Variants in ARHGEF12 observed in about 807,000 individuals in gnomAD.
The protein encoded by ARHGEF12 is Rho guanine nucleotide exchange factor 12.
ARHGEF12 carries 66 observed loss-of-function variants against 211.2 expected under a neutral mutation model. The observed-to-expected ratio is 0.31, with a 90% CI of 0.26 to 0.38. The LOEUF (loss-of-function observed/expected upper bound fraction) is 0.38, where lower values mean the gene tolerates loss of function less well. Among genes scored for constraint, ARHGEF12 ranks in the 10% least tolerant of loss-of-function variants. The pLI, the probability that ARHGEF12 is intolerant of heterozygous loss-of-function variation, is 1.00. For missense variants in ARHGEF12, 1,429 were observed against 1,869.5 expected, an observed-to-expected ratio of 0.76 and a Z score of 4.34; for synonymous variants, 592 against 638.4, an observed-to-expected ratio of 0.93 and a Z score of 1.09.
intron 4 of ARHGEF12, among the ~76,000 whole-genome samples, chr11:120,419,181 C>T (rs1015091077): frequency 2.0e-5 from 3 of 151,866 alleles, no homozygotes; most frequent in Non-Finnish European, 4.4e-5. Context: ...AGGATGGTCT[C>T]GATCTCCTGA....
At chr11:120,384,878 ATTT>A (rs36027339) in intron 1 of ARHGEF12, among the ~76,000 whole-genome samples, 3 of 137,700 alleles carry the variant, frequency 2.2e-5, no homozygotes, top group Non-Finnish European at 3.2e-5. Context: ...ACAAAAGGAG[ATTT>A]TTTTTTTTTT....
At chr11:120,456,883 C>A (rs188760752) in intron 22 of ARHGEF12, among the ~76,000 whole-genome samples, 1 of 151,880 alleles carries the variant, frequency 6.6e-6, no homozygotes, top group Non-Finnish European at 1.5e-5. Context: ...CTGTAGGCCC[C>A]GCTACTTGGA....
Position 120,485,897 on chromosome 11 carries a change from A to T in ARHGEF12, c.*820A>T, listed in dbSNP as rs573939916. The T allele has an allele frequency of 7.3e-5, 17 of 232,346 alleles. No homozygotes were observed. The highest frequency in any genetic ancestry group is 3.0e-4 in the East Asian group (5 of 16,420). The allele number at this position is 232,346 out of a possible 1,614,324, so 14.4% of individuals were successfully genotyped here. A position where few individuals can be genotyped will look rare whatever the true frequency, so the allele number is the denominator to read the frequency against. On this transcript the variant is annotated 3_prime_UTR_variant, in exon 41 of 41. Coordinates refer to ENST00000397843, the MANE Select transcript of ARHGEF12 (RefSeq NM_015313.3). ...GTCGTCTTTTCTATTGAGGGTTGGG[A>T]TTTGGGTGGGAGAGGAAAGCAAATT...
At chr11:120,441,668 A>G (rs761623138) in intron 13 of ARHGEF12, 39 bp from the exon 14 acceptor site, 16 of 1,501,840 alleles carry the variant, frequency 1.1e-5, no homozygotes, top group South Asian at 6.8e-5. Context: ...TAGTATTTGT[A>G]TGTTGGAGTT....
chr11:120,448,510 A>G (rs1374602025), intron 20 of ARHGEF12, 162 bp downstream of exon 20: 2 of 608,312 alleles, frequency 3.3e-6, no homozygotes, highest in African/African-American at 3.7e-5. Context: ...CTCAAAATAC[A>G]GTGAGAAATC....
At chr11:120,369,361 T>G (rs1020795618) in intron 1 of ARHGEF12, among the ~76,000 whole-genome samples, 24 of 152,180 alleles carry the variant, frequency 1.6e-4, no homozygotes, top group Non-Finnish European at 3.1e-4. Flanking sequence ...ACTCCTGACC[T>G]CAAGTAATCT....
At chr11:120,477,693 T>TG (rs1403922383) in intron 36 of ARHGEF12, 167 bp downstream of exon 36, 3 of 553,648 alleles carry the variant, frequency 5.4e-6, no homozygotes, top group Admixed American at 3.5e-5. Flanking sequence ...GACAAAACCC[T>TG]GTCTCTACTA....
intron 30 of ARHGEF12, among the ~76,000 whole-genome samples, chr11:120,470,149 A>C (rs1244024303): frequency 1.3e-5 from 2 of 152,226 alleles, no homozygotes; most frequent in African/African-American, 4.8e-5. Flanking sequence ...TTGTCTTCTT[A>C]AGTGCAGTAG....
rs1254877264 is a variant in ARHGEF12, at chr11:120,336,903, C to G, written c.-341C>G. The G allele has an allele frequency of 4.7e-6, 2 of 428,622 alleles. No homozygotes were observed. Among genetic ancestry groups the G allele is most frequent in the Non-Finnish European group, 8.2e-6 (2 of 244,306 alleles). The allele number at this position is 428,622 out of a possible 1,614,324, so 26.6% of individuals were successfully genotyped here. A position where few individuals can be genotyped will look rare whatever the true frequency, so the allele number is the denominator to read the frequency against. On this transcript the variant is annotated 5_prime_UTR_variant, in exon 1 of 41. Transcript: ENST00000397843. ...GTCCGTGAGCTGATCCCGCCCCAGCCCCGGCGGGAGTCCCGGGTCCCCTTC... is the reference window on the plus strand; with the variant it reads ...GTCCGTGAGCTGATCCCGCCCCAGCGCCGGCGGGAGTCCCGGGTCCCCTTC...
chr11:120,389,888 AT>A (rs1241319529), intron 1 of ARHGEF12, among the ~76,000 whole-genome samples: 1 of 152,068 alleles, frequency 6.6e-6, no homozygotes, highest in Admixed American at 6.6e-5. Flanking sequence ...ATAGTACTCC[AT>A]TGTGTATATG....
At chr11:120,457,852 T>C in intron 24 of ARHGEF12, 96 bp downstream of exon 24, 1 of 1,335,568 alleles carries the variant, frequency 7.5e-7, no homozygotes, top group Non-Finnish European at 1.0e-6. Flanking sequence ...AGAAACCCTG[T>C]ATACCAATCT....
chr11:120,366,461 A>G (rs533979313), intron 1 of ARHGEF12, among the ~76,000 whole-genome samples: 27 of 152,268 alleles, frequency 1.8e-4, no homozygotes, highest in Non-Finnish European at 3.4e-4. Context: ...CCTGCCCTTA[A>G]GTTATTTTTT....
At chr11:120,454,257 T>C (rs1217864922) in intron 22 of ARHGEF12, among the ~76,000 whole-genome samples, 1 of 152,164 alleles carries the variant, frequency 6.6e-6, no homozygotes, top group Non-Finnish European at 1.5e-5. Context: ...AGACGTAAGA[T>C]AATATATAAT....
chr11:120,446,977 C>T lies in ARHGEF12; in HGVS notation c.1481C>T (p.Ala494Val). ...RQKRSMGLTL[A>V]ESELTKLDAE... ...AAACGTAGTATGGGACTGACCTTGG[C>T]TGAAAGCGAGCTGACTAAACTTGAT... is the stretch of plus-strand genomic sequence containing the variant. The change falls in exon 18 of 41, where the codon GCT (alanine) becomes GTT (valine). Residue 494 changes from alanine (A) to valine (V), a missense_variant. Physicochemically the swap from Ala to Val is moderately conservative, Grantham distance 64. Around this residue, in one of 7 missense-constraint regions of ARHGEF12, gnomAD observed 373 missense variants for 467.5 expected, o/e 0.80. Transcript: ENST00000397843. The T allele has an allele frequency of 1.2e-6, 2 of 1,614,168 alleles. No homozygotes were observed. Among genetic ancestry groups the T allele is most frequent in the Non-Finnish European group, 1.7e-6 (2 of 1,180,008 alleles).
At chr11:120,465,196 G>C (rs1321117250) in intron 27 of ARHGEF12, 41 bp from the exon 28 acceptor site, 1 of 1,611,318 alleles carries the variant, frequency 6.2e-7, no homozygotes, top group Non-Finnish European at 8.5e-7. Flanking sequence ...TATAAGCTCA[G>C]TTTCCCATTC....
rs1371522218 is a variant in ARHGEF12 at position 120,401,109 on chromosome 11, T to G, written c.33-5009T>G. ...CTTTTCATGCTTTGGTTCTATATGC[T>G]AATAAAAAAGTATGGCAGTATGGCT... On this transcript the variant is annotated intron_variant, in intron 1 of 40. Coordinates refer to ENST00000397843, the MANE Select transcript of ARHGEF12 (RefSeq NM_015313.3). 2.0e-5 allele frequency among the ~76,000 whole-genome samples: 3 copies of G among 152,228 alleles called. No individual in the cohort carries two copies. In the East Asian group the frequency reaches 5.8e-4, roughly 29 times the overall value.
At chr11:120,439,376 G>A (rs772663033) in intron 12 of ARHGEF12, 1 of 152,152 alleles carries the variant, frequency 6.6e-6, no homozygotes, top group Non-Finnish European at 1.5e-5. Context: ...GAGTGATTAT[G>A]CCTCCGTGGA....
intron 1 of ARHGEF12, among the ~76,000 whole-genome samples, chr11:120,354,858 A>C (rs188516981): frequency 5.7e-4 from 87 of 152,316 alleles, no homozygotes; most frequent in African/African-American, 1.9e-3. Flanking sequence ...AGTCGTATAG[A>C]TGTGGAGACT....
chr11:120,391,926 T>A (rs1944230804), intron 1 of ARHGEF12, among the ~76,000 whole-genome samples: 1 of 152,224 alleles, frequency 6.6e-6, no homozygotes, highest in African/African-American at 2.4e-5. Context: ...AAGTATTTGA[T>A]GTTTGAGACA....
Sources: gnomAD v4.1 joint callset for allele counts (sites outside exome capture counted in the v4.1 genomes callset) on GRCh38, gnomAD v4.1.1 for gene constraint, gnomAD v4.1.1 regional missense constraint, MANE v1.5 for transcripts, NCBI Gene and HGNC (gene_info 2026-07-23, HGNC 2026-07-21) for gene names.